The following CSMD1 variants were observed in gnomAD, a reference collection of about 807,000 sequenced individuals.
CSMD1 encodes the protein CUB and Sushi multiple domains 1.
A neutral mutation model predicts 417.5 loss-of-function variants in CSMD1; 213 were observed. The observed-to-expected ratio is 0.51, with a 90% CI of 0.46 to 0.57. The LOEUF is 0.57. CSMD1 is among the 20% of genes least tolerant of loss of function. The probability of loss-of-function intolerance (pLI) is 0.00; values close to 1 mark genes in which losing one functional copy is unlikely to be tolerated. For synonymous variants in CSMD1, 2,862 were observed against 1,736.8 expected, an observed-to-expected ratio of 1.65 and a Z score of -16.11; for missense variants, 6,923 against 4,529.7, an observed-to-expected ratio of 1.53 and a Z score of -15.17.
chr8:3,299,287 A>G (rs35733588), intron 25 of CSMD1, among the ~76,000 whole-genome samples: 17,079 of 152,082 alleles, frequency 0.11, 1,031 homozygotes, highest in Non-Finnish European at 0.13. Context: ...CCCTGTCTCT[A>G]CTAAAAATAT....
At chr8:4,733,288 AT>A (rs1219743626) in intron 1 of CSMD1, among the ~76,000 whole-genome samples, 2 of 152,236 alleles carry the variant, frequency 1.3e-5, no homozygotes, top group African/African-American at 4.8e-5. Flanking sequence ...GGAAAAATAA[AT>A]GACTAAAAAT....
chr8:3,174,337 T>C (rs1390024495), intron 37 of CSMD1, among the ~76,000 whole-genome samples: 1 of 152,048 alleles, frequency 6.6e-6, no homozygotes, highest in Admixed American at 6.6e-5. Flanking sequence ...CTATTAAGAA[T>C]ACAAAAAATT....
chr8:4,740,762 G>A (rs1056753824), intron 1 of CSMD1, among the ~76,000 whole-genome samples: 1 of 152,054 alleles, frequency 6.6e-6, no homozygotes, highest in African/African-American at 2.4e-5. Flanking sequence ...CAAAATAAAT[G>A]TTCTACCTCT....
At chr8:4,770,423 C>G (rs114638102) in intron 1 of CSMD1, among the ~76,000 whole-genome samples, 5,418 of 149,618 alleles carry the variant, frequency 0.036, 159 homozygotes, top group Non-Finnish European at 0.051. Context: ...TAATTCTTAT[C>G]AAAATCCCAA....
At chr8:4,413,812 C>G (rs974096941) in intron 3 of CSMD1, among the ~76,000 whole-genome samples, 1 of 152,126 alleles carries the variant, frequency 6.6e-6, no homozygotes, top group South Asian at 2.1e-4. Context: ...CTAGAGATAA[C>G]TAAGGTGAGG....
chr8:4,659,602 G>A (rs1395609180), intron 1 of CSMD1, among the ~76,000 whole-genome samples: 2 of 152,080 alleles, frequency 1.3e-5, no homozygotes, highest in Non-Finnish European at 2.9e-5. Flanking sequence ...CATAGACACA[G>A]AAAACAGATT....
chr8:4,688,655 A>G (rs1806562049), intron 1 of CSMD1, among the ~76,000 whole-genome samples: 1 of 152,182 alleles, frequency 6.6e-6, no homozygotes, highest in South Asian at 2.1e-4. Context: ...GTCTTTACCT[A>G]AGAACAATGC....
rs147218470 is a variant in CSMD1, at chr8:3,803,387, C to A, written c.819-49345G>T. Among the ~76,000 whole-genome samples the A allele has an allele frequency of 2.0e-5, 3 of 152,110 alleles. 1 individual carries two copies. Among genetic ancestry groups the A allele is most frequent in the Non-Finnish European group, 4.4e-5 (3 of 68,028 alleles). On this transcript the variant is annotated intron_variant, in intron 5 of 69. Transcript: ENST00000635120. ...AATGGTAAGCTGATCACTGAACCCA[C>A]GCTGGAGAGGAAACAGGTAGTGTAG... is the stretch of plus-strand genomic sequence containing the variant.
At chr8:4,922,357 T>C (rs908595117) in intron 1 of CSMD1, among the ~76,000 whole-genome samples, 1 of 152,216 alleles carries the variant, frequency 6.6e-6, no homozygotes, top group Admixed American at 6.5e-5. Flanking sequence ...CTTCTAATTA[T>C]GTATGCTTAT....
At chr8:4,461,606 A>G (rs1198046769) in intron 2 of CSMD1, among the ~76,000 whole-genome samples, 1 of 151,990 alleles carries the variant, frequency 6.6e-6, no homozygotes, top group Non-Finnish European at 1.5e-5. Flanking sequence ...TCTGAAATGC[A>G]GTGGTACAAT....
intron 7 of CSMD1, among the ~76,000 whole-genome samples, chr8:3,651,334 G>C (rs887116321): frequency 5.9e-5 from 9 of 152,004 alleles, no homozygotes; most frequent in Admixed American, 2.0e-4. Flanking sequence ...ACAAGATCTA[G>C]TCCCCACCCC....
intron 3 of CSMD1, among the ~76,000 whole-genome samples, chr8:4,295,589 G>A (rs62478593): frequency 2.1e-5 from 3 of 141,662 alleles, no homozygotes; most frequent in East Asian, 4.1e-4. Flanking sequence ...CTTATTAAGG[G>A]CTTAAGATTA....
intron 7 of CSMD1, among the ~76,000 whole-genome samples, chr8:3,622,853 T>C (rs907524316): frequency 3.3e-5 from 5 of 152,184 alleles, no homozygotes; most frequent in African/African-American, 9.7e-5. Flanking sequence ...TTGGAAAGAA[T>C]CATGGAGATG....
intron 5 of CSMD1, among the ~76,000 whole-genome samples, chr8:3,826,815 C>G (rs976831508): frequency 3.6e-4 from 55 of 152,228 alleles, no homozygotes; most frequent in African/African-American, 1.3e-3. Context: ...GAGACAGGGT[C>G]TCACTCTGTC....
chr8:3,793,076 A>T (rs547499317), intron 5 of CSMD1, among the ~76,000 whole-genome samples: 1 of 152,310 alleles, frequency 6.6e-6, no homozygotes, highest in East Asian at 1.9e-4. Flanking sequence ...AAGAGTAGAA[A>T]GGGGCAATTA....
chr8:3,396,086 G>A (rs988022099), intron 17 of CSMD1, 108 bp downstream of exon 17: 4 of 911,396 alleles, frequency 4.4e-6, no homozygotes, highest in South Asian at 3.3e-5. Context: ...GAGTCAAGCA[G>A]GATCAGTAAA....
At chr8:4,528,836 T>C (rs979450789) in intron 2 of CSMD1, among the ~76,000 whole-genome samples, 1 of 152,124 alleles carries the variant, frequency 6.6e-6, no homozygotes, top group African/African-American at 2.4e-5. Context: ...AAAACTTCTG[T>C]CTTTTAAGAA....
chr8:4,055,163 G>C (rs1389525381), intron 3 of CSMD1, among the ~76,000 whole-genome samples: 4 of 152,126 alleles, frequency 2.6e-5, no homozygotes, highest in Non-Finnish European at 5.9e-5. Context: ...TTTGAAATAT[G>C]AATTTCTCAT....
At chr8:3,068,586 G>A (rs1477454242) in intron 49 of CSMD1, among the ~76,000 whole-genome samples, 2 of 152,050 alleles carry the variant, frequency 1.3e-5, no homozygotes, top group Non-Finnish European at 2.9e-5. Flanking sequence ...AGGCTGTACG[G>A]GAAACAAGGT....
Sources: gnomAD v4.1 joint callset for allele counts (sites outside exome capture counted in the v4.1 genomes callset) on GRCh38, gnomAD v4.1.1 for gene constraint, MANE v1.5 for transcripts, NCBI Gene and HGNC (gene_info 2026-07-23, HGNC 2026-07-21) for gene names.